ERC1: variants seen among roughly 807,000 people sequenced by gnomAD.
ERC1 encodes RAB6 interacting protein 2.
A neutral mutation model predicts 132.0 loss-of-function variants in ERC1; 56 were observed. That is an observed-to-expected ratio of 0.42 (90% confidence interval 0.34 to 0.53). The LOEUF (loss-of-function observed/expected upper bound fraction) is 0.53, where lower values mean the gene tolerates loss of function less well. Among genes scored for constraint, ERC1 ranks in the 20% least tolerant of loss-of-function variants. The probability of loss-of-function intolerance (pLI) is 0.03; values close to 1 mark genes in which losing one functional copy is unlikely to be tolerated. For synonymous variants in ERC1, 478 were observed against 476.1 expected, an observed-to-expected ratio of 1.00 and a Z score of -0.05; for missense variants, 1,202 against 1,349.9, an observed-to-expected ratio of 0.89 and a Z score of 1.72.
chr12:1,251,581 T>C (rs1208457634), intron 13 of ERC1, among the ~76,000 whole-genome samples: 1 of 152,162 alleles, frequency 6.6e-6, no homozygotes, highest in Non-Finnish European at 1.5e-5. Context: ...TTACTGCAGG[T>C]GAAGCACCTA....
chr12:1,363,244 C>G (rs1269996541), intron 15 of ERC1, among the ~76,000 whole-genome samples: 2 of 152,156 alleles, frequency 1.3e-5, no homozygotes, highest in African/African-American at 2.4e-5. Context: ...TTTTGCCCAT[C>G]TGAGAAGCAG....
intron 17 of ERC1, among the ~76,000 whole-genome samples, chr12:1,438,936 T>C (rs1427666766): frequency 7.1e-6 from 1 of 141,454 alleles, no homozygotes; most frequent in Non-Finnish European, 1.5e-5. Flanking sequence ...AGCGAGACCT[T>C]GTCTCAATTT....
In ERC1 at chr12:1,196,978, T is replaced by TA. The variant is rs1566215566; in HGVS notation, c.2351+6926_2351+6927insA. 2.6e-4 allele frequency among the ~76,000 whole-genome samples: 12 copies of TA among 45,418 alleles called. 1 individual carries two copies. The highest frequency in any genetic ancestry group is 5.9e-4 in the South Asian group (1 of 1,696). 29.8% of individuals were successfully genotyped at this position (45,418 alleles called of 152,430 possible). ...CACACACACATATATATATATATAT[T>TA]TTTTTTTTTTTTTTTTTTTTAAGAC... On this transcript the variant is annotated intron_variant, in intron 12 of 18. Coordinates refer to ENST00000360905, the MANE Select transcript of ERC1 (RefSeq NM_178040.4).
chr12:1,117,681 C>T (rs180860850), intron 7 of ERC1, among the ~76,000 whole-genome samples: 1 of 152,264 alleles, frequency 6.6e-6, no homozygotes, highest in East Asian at 1.9e-4. Context: ...GAATTAAACT[C>T]GTTTATTTAC....
At chr12:1,428,850 C>T (rs1246183321) in intron 17 of ERC1, among the ~76,000 whole-genome samples, 1 of 152,166 alleles carries the variant, frequency 6.6e-6, no homozygotes, top group African/African-American at 2.4e-5. Context: ...ATGTGCCTTC[C>T]TTCTTCTTCC....
At chr12:1,278,600 T>A (rs1044669807) in intron 14 of ERC1, among the ~76,000 whole-genome samples, 2 of 152,192 alleles carry the variant, frequency 1.3e-5, no homozygotes, top group Non-Finnish European at 2.9e-5. Context: ...TATTGATAGA[T>A]TAGAAAACAA....
chr12:1,482,784 C>T (rs2154432025), intron 18 of ERC1, among the ~76,000 whole-genome samples: 1 of 152,166 alleles, frequency 6.6e-6, no homozygotes, highest in South Asian at 2.1e-4. Context: ...AATTTACATA[C>T]ATACAACTCA....
intron 15 of ERC1, among the ~76,000 whole-genome samples, chr12:1,292,147 G>A (rs958245485): frequency 2.0e-5 from 3 of 151,974 alleles, no homozygotes; most frequent in Admixed American, 1.3e-4. Context: ...CCTCCTGCAG[G>A]CCCACCCTAC....
At chr12:1,263,482 T>C (rs1299279892) in intron 14 of ERC1, among the ~76,000 whole-genome samples, 2 of 152,164 alleles carry the variant, frequency 1.3e-5, no homozygotes, top group Non-Finnish European at 2.9e-5. Context: ...AAATAAGAAT[T>C]GAAATAAAGT....
intron 16 of ERC1, among the ~76,000 whole-genome samples, chr12:1,399,279 CATTATTT>C (rs2090819040): frequency 6.6e-6 from 1 of 152,080 alleles, no homozygotes; most frequent in East Asian, 1.9e-4. Flanking sequence ...AGAGCAAAAG[CATTATTT>C]ACTTACATGG....
At chr12:1,150,978 C>T (rs923971579) in intron 8 of ERC1, among the ~76,000 whole-genome samples, 1 of 152,204 alleles carries the variant, frequency 6.6e-6, no homozygotes, top group Non-Finnish European at 1.5e-5. Flanking sequence ...TTAATTATGA[C>T]AAATGTGTCA....
chr12:1,024,154 G>A (rs1395237340), intron 1 of ERC1, among the ~76,000 whole-genome samples: 1 of 152,230 alleles, frequency 6.6e-6, no homozygotes, highest in Non-Finnish European at 1.5e-5. Flanking sequence ...GCTGAGGCAG[G>A]CGAATCCGTT....
chr12:1,035,870 T>C (rs937046601), intron 2 of ERC1, among the ~76,000 whole-genome samples: 5 of 151,246 alleles, frequency 3.3e-5, no homozygotes, highest in African/African-American at 7.3e-5. Context: ...TGCAGTGAGC[T>C]GAGATCGCAC....
At chr12:1,339,538 C>T (rs1382537121) in intron 15 of ERC1, among the ~76,000 whole-genome samples, 2 of 150,276 alleles carry the variant, frequency 1.3e-5, no homozygotes, top group Admixed American at 1.3e-4. Flanking sequence ...CCCATGTAGG[C>T]ATTCACTGCA....
intron 12 of ERC1, among the ~76,000 whole-genome samples, chr12:1,210,442 T>C: frequency 6.6e-6 from 1 of 152,198 alleles, no homozygotes; most frequent in East Asian, 1.9e-4. Context: ...TTTGTTTTAA[T>C]CTTCCAGCTC....
chr12:1,341,604 T>G (rs1393691231), intron 15 of ERC1, among the ~76,000 whole-genome samples: 1 of 133,328 alleles, frequency 7.5e-6, no homozygotes, highest in Non-Finnish European at 1.5e-5. Context: ...AGGTGGGAAT[T>G]GAACAATGAG....
chr12:1,253,703 A>G (rs1054507242), intron 13 of ERC1, among the ~76,000 whole-genome samples: 2 of 152,142 alleles, frequency 1.3e-5, no homozygotes, highest in Non-Finnish European at 1.5e-5. Flanking sequence ...AGTGGAGGGT[A>G]GAGTCTTACA....
At chr12:1,485,263 G>A (rs539500876) in intron 18 of ERC1, among the ~76,000 whole-genome samples, 40 of 140,294 alleles carry the variant, frequency 2.9e-4, no homozygotes, top group South Asian at 4.7e-4. Context: ...GGAGTGCAGT[G>A]GCGTGATCTT....
intron 10 of ERC1, 44 bp downstream of exon 10, chr12:1,182,109 G>A (rs1374158141): frequency 1.3e-6 from 2 of 1,585,338 alleles, no homozygotes; most frequent in Non-Finnish European, 8.6e-7. Context: ...CTTAATCATT[G>A]CATGTGTCTG....
Sources: gnomAD v4.1 joint callset for allele counts (sites outside exome capture counted in the v4.1 genomes callset) on GRCh38, gnomAD v4.1.1 for gene constraint, MANE v1.5 for transcripts, NCBI Gene and HGNC (gene_info 2026-07-23, HGNC 2026-07-21) for gene names.